ASNS: variants seen among roughly 807,000 people sequenced by gnomAD.
The protein encoded by ASNS is asparagine synthetase (glutamine-hydrolyzing), also known as asparagine synthetase [glutamine-hydrolyzing].
ASNS carries 37 observed loss-of-function variants against 62.6 expected under a neutral mutation model. The ratio of observed to expected loss-of-function variants is 0.59; its 90% confidence interval spans 0.45 to 0.78. ASNS has a LOEUF of 0.78. Among genes scored for constraint, ASNS ranks in the 30% least tolerant of loss-of-function variants. The probability of loss-of-function intolerance (pLI) is 0.00; values close to 1 mark genes in which losing one functional copy is unlikely to be tolerated. For synonymous variants in ASNS, 207 were observed against 237.9 expected (o/e 0.87, Z 1.19); for missense variants, 520 against 682.4 (o/e 0.76, Z 2.65).
At chr7:97,897,582 G>A in the ASNS span, among the ~76,000 whole-genome samples, 6 of 152,138 alleles carry the variant, frequency 3.9e-5, no homozygotes, top group African/African-American at 1.4e-4. Flanking sequence ...TTGTTAGAAT[G>A]GGTATTAAAA....
chr7:97,869,934 A>G (rs192297009), intron 1 of ASNS, 121 bp from the exon 2 acceptor site: 170 of 170,164 alleles, frequency 1.0e-3, no homozygotes, highest in African/African-American at 3.6e-3. Flanking sequence ...TCACTGACAA[A>G]AATGTTCTCA....
intron 1 of ASNS, chr7:97,871,854 G>A (rs1220525321): frequency 6.6e-6 from 1 of 152,178 alleles, no homozygotes; most frequent in Non-Finnish European, 1.5e-5. Flanking sequence ...GGGGGCAGTT[G>A]AAGGTGAAAG....
chr7:97,890,674 G>A, the ASNS span, among the ~76,000 whole-genome samples: 1 of 152,142 alleles, frequency 6.6e-6, no homozygotes, highest in Non-Finnish European at 1.5e-5. Context: ...TTGATCCCAG[G>A]AGTTCAAGGC....
chr7:97,863,799 T>A (rs1368849357), intron 4 of ASNS: 1 of 153,840 alleles, frequency 6.5e-6, no homozygotes, highest in Non-Finnish European at 1.4e-5. Flanking sequence ...GAGTGTTGTT[T>A]ACCAACATCT....
chr7:97,854,565 C>G lies in ASNS; in HGVS notation c.1238+15G>C. 1 of 1,605,626 alleles carries G rather than the reference C, an allele frequency of 6.2e-7. No individual in the cohort carries two copies. Among genetic ancestry groups the G allele is most frequent in the South Asian group, 1.1e-5 (1 of 88,278 alleles). On this transcript the variant is annotated intron_variant, in intron 10 of 12. Transcript: ENST00000394308. ...TTTTTTGTTTTTGTTTTACAATAGC[C>G]TCTAAAAATATTACCCATGGGCAGC...
the ASNS span, among the ~76,000 whole-genome samples, chr7:97,922,324 C>A: frequency 6.6e-6 from 1 of 151,944 alleles, no homozygotes; most frequent in Admixed American, 6.6e-5. Context: ...AAAGATCACA[C>A]CCCTGCACTA....
the ASNS span, among the ~76,000 whole-genome samples, chr7:97,923,229 A>G: frequency 6.7e-6 from 1 of 150,362 alleles, no homozygotes; most frequent in Non-Finnish European, 1.5e-5. Context: ...ATTTGATTGG[A>G]TTTTGATAAA....
intron 4 of ASNS, among the ~76,000 whole-genome samples, chr7:97,859,674 T>TA (rs775096480): frequency 8.5e-5 from 13 of 152,342 alleles, no homozygotes; most frequent in Non-Finnish European, 1.6e-4. Flanking sequence ...TTCTTCTTCT[T>TA]AGATTTCTAA....
At chr7:97,906,721 G>A in the ASNS span, 1 of 152,962 alleles carries the variant, frequency 6.5e-6, no homozygotes, top group Non-Finnish European at 1.5e-5. Flanking sequence ...TACACATAGA[G>A]AGAGACAGAT....
At chr7:97,918,774 G>A in the ASNS span, among the ~76,000 whole-genome samples, 73 of 152,162 alleles carry the variant, frequency 4.8e-4, no homozygotes, top group African/African-American at 1.5e-3. Context: ...ACCGGGTCCC[G>A]TCGGGGGTGG....
chr7:97,892,413 C>T, the ASNS span, among the ~76,000 whole-genome samples: 1 of 152,210 alleles, frequency 6.6e-6, no homozygotes, highest in Non-Finnish European at 1.5e-5. Context: ...ACTCTAGTTA[C>T]TTAAAGAAAC....
chr7:97,901,764 G>A, the ASNS span, among the ~76,000 whole-genome samples: 2 of 152,022 alleles, frequency 1.3e-5, no homozygotes, highest in African/African-American at 4.8e-5. Flanking sequence ...GATCACTTGA[G>A]GCCAGGAGTT....
At chr7:97,871,525 A>G (rs1792258875) in intron 1 of ASNS, among the ~76,000 whole-genome samples, 1 of 152,176 alleles carries the variant, frequency 6.6e-6, no homozygotes, top group Non-Finnish European at 1.5e-5. Context: ...CTGCTGTTAA[A>G]TTATTAGTCA....
At chr7:97,874,662 G>C (rs1261479733), upstream of ASNS, among the ~76,000 whole-genome samples, 7 of 152,220 alleles carry the variant, frequency 4.6e-5, no homozygotes, top group Non-Finnish European at 8.8e-5. Context: ...CCTCCGTTTG[G>C]GGTCCCTGAC....
chr7:97,911,300 C>G, the ASNS span, among the ~76,000 whole-genome samples: 1 of 152,110 alleles, frequency 6.6e-6, no homozygotes, highest in Non-Finnish European at 1.5e-5. Flanking sequence ...AAACTAGTCT[C>G]TCTACTTTTA....
chr7:97,870,220 T>C (rs956803524), intron 1 of ASNS: 2 of 997,912 alleles, frequency 2.0e-6, no homozygotes, highest in Non-Finnish European at 2.8e-6. Flanking sequence ...CTGTTCAGTG[T>C]CTGAGTGCTA....
chr7:97,854,286 G>A (rs976580880), intron 10 of ASNS, among the ~76,000 whole-genome samples: 5 of 152,192 alleles, frequency 3.3e-5, no homozygotes, highest in African/African-American at 4.8e-5. Flanking sequence ...GATGTGAGCA[G>A]AATGTTGTTA....
the ASNS span, among the ~76,000 whole-genome samples, chr7:97,919,355 C>G: frequency 6.6e-6 from 1 of 152,190 alleles, no homozygotes; most frequent in Non-Finnish European, 1.5e-5. Flanking sequence ...GCCCACCCGC[C>G]TTGGCCTCCA....
chr7:97,920,013 T>TC, the ASNS span, among the ~76,000 whole-genome samples: 1 of 142,856 alleles, frequency 7.0e-6, no homozygotes, highest in East Asian at 2.0e-4. Flanking sequence ...TGTCCTGACT[T>TC]TTTTTTTTTT....
Sources: gnomAD v4.1 joint callset for allele counts (sites outside exome capture counted in the v4.1 genomes callset) on GRCh38, gnomAD v4.1.1 for gene constraint, MANE v1.5 for transcripts, NCBI Gene and HGNC (gene_info 2026-07-23, HGNC 2026-07-21) for gene names.